TSPAN18: variants seen among roughly 807,000 people sequenced by gnomAD.
The protein encoded by TSPAN18 is tetraspanin 18.
In TSPAN18, 14 loss-of-function variants were observed where a neutral mutation model predicts 27.3. The observed-to-expected ratio is 0.51, with a 90% CI of 0.34 to 0.80. TSPAN18 has a LOEUF of 0.80. Ranked by LOEUF, TSPAN18 falls within the 30% of genes least tolerant of loss-of-function variation. The pLI is 0.01. For missense variants in TSPAN18, 268 were observed against 323.9 expected (o/e 0.83, Z 1.32); for synonymous variants, 143 against 136.5 (o/e 1.05, Z -0.33).
At chr11:44,744,079 A>G (rs1359916036) in intron 1 of TSPAN18, among the ~76,000 whole-genome samples, 2 of 152,244 alleles carry the variant, frequency 1.3e-5, no homozygotes, top group Non-Finnish European at 2.9e-5. Flanking sequence ...AGCAAAATGC[A>G]CTGTGAGTTT....
intron 3 of TSPAN18, among the ~76,000 whole-genome samples, chr11:44,868,813 C>A (rs1453766270): frequency 6.6e-6 from 1 of 152,210 alleles, no homozygotes; most frequent in Non-Finnish European, 1.5e-5. Context: ...TGAAATAGGC[C>A]GCTGGCTGGA....
At chr11:44,857,957 G>C (rs369219834) in intron 2 of TSPAN18, among the ~76,000 whole-genome samples, 10 of 152,122 alleles carry the variant, frequency 6.6e-5, no homozygotes, top group African/African-American at 2.4e-4. Flanking sequence ...ATTTTAAACA[G>C]TCTAGGTGGC....
chr11:44,788,295 C>T (rs900525685), intron 2 of TSPAN18, among the ~76,000 whole-genome samples: 1 of 152,132 alleles, frequency 6.6e-6, no homozygotes, highest in Admixed American at 6.5e-5. Context: ...ATGCTGTCTA[C>T]GTGCGCTGTC....
intron 1 of TSPAN18, among the ~76,000 whole-genome samples, chr11:44,731,629 T>TGAGA (rs1192833022): frequency 0.012 from 720 of 62,194 alleles, 15 homozygotes; most frequent in Admixed American, 0.065. Context: ...TGTGTGTGTG[T>TGAGA]GTGTGAGAGA....
rs140379151 is a variant in TSPAN18 at position 44,875,999 on chromosome 11, G to A, written c.-11+15530G>A. ...AGGTGGTGGGCCCTGTGGGAGCCAG[G>A]CCTCCAACCAACTGGTCAGGAAAAG... On this transcript the variant is annotated intron_variant, in intron 3 of 9. Transcript: ENST00000520358. Among the ~76,000 whole-genome samples the A allele has an allele frequency of 9.1e-3, 1,384 of 152,268 alleles. 25 individuals are homozygous for A. Among genetic ancestry groups the A allele is most frequent in the African/African-American group, 0.031 (1,300 of 41,546 alleles).
intron 2 of TSPAN18, among the ~76,000 whole-genome samples, chr11:44,774,580 T>C (rs1449950983): frequency 6.6e-6 from 1 of 152,204 alleles, no homozygotes; most frequent in Non-Finnish European, 1.5e-5. Context: ...CACCTTGCAA[T>C]TGGGGACCTC....
At chr11:44,890,621 G>A (rs1161750102) in intron 3 of TSPAN18, among the ~76,000 whole-genome samples, 5 of 152,026 alleles carry the variant, frequency 3.3e-5, no homozygotes. Flanking sequence ...TACTCGGGAG[G>A]CTGAGGCAGG....
intron 1 of TSPAN18, among the ~76,000 whole-genome samples, chr11:44,737,737 C>T (rs1311641272): frequency 6.6e-6 from 1 of 152,116 alleles, no homozygotes; most frequent in Non-Finnish European, 1.5e-5. Context: ...CCCCTCCCCA[C>T]GCAAGCCTCA....
intron 2 of TSPAN18, among the ~76,000 whole-genome samples, chr11:44,775,309 T>C (rs186198794): frequency 1.0e-3 from 153 of 152,368 alleles, no homozygotes; most frequent in African/African-American, 3.6e-3. Context: ...CTGTATTTTA[T>C]CTGGGAACCC....
At chr11:44,745,745 T>C (rs1855057201) in intron 1 of TSPAN18, among the ~76,000 whole-genome samples, 1 of 152,110 alleles carries the variant, frequency 6.6e-6, no homozygotes, top group Non-Finnish European at 1.5e-5. Context: ...ACAAAAAACA[T>C]GGCTGGGCGC....
chr11:44,851,387 G>T (rs912926555), intron 2 of TSPAN18, among the ~76,000 whole-genome samples: 1 of 152,164 alleles, frequency 6.6e-6, no homozygotes, highest in Non-Finnish European at 1.5e-5. Context: ...TTGTGGTCTG[G>T]CCTCTGGCTG....
chr11:44,916,715 A>T (rs938406630), intron 5 of TSPAN18, among the ~76,000 whole-genome samples: 7 of 152,128 alleles, frequency 4.6e-5, no homozygotes, highest in Non-Finnish European at 1.0e-4. Flanking sequence ...GCCTCCTTCC[A>T]GCCTGGCACA....
intron 2 of TSPAN18, among the ~76,000 whole-genome samples, chr11:44,820,679 G>T (rs186431983): frequency 6.6e-6 from 1 of 151,428 alleles, no homozygotes; most frequent in Non-Finnish European, 1.5e-5. Flanking sequence ...CCCCAATCTC[G>T]TGTTGAAATT....
In TSPAN18 at chr11:44,909,841, T is replaced by C; in HGVS notation, c.200T>C (p.Leu67Pro). 6.2e-7 allele frequency: 1 copy of C among 1,614,102 alleles called. No homozygotes were observed. The highest frequency in any genetic ancestry group is 8.5e-7 in the Non-Finnish European group (1 of 1,180,012). The change falls in exon 5 of 10, where the codon CTG (leucine) becomes CCG (proline). Residue 67 changes from leucine to proline, a missense_variant. Coordinates refer to ENST00000520358, the MANE Select transcript of TSPAN18 (RefSeq NM_130783.5). Reference protein sequence around the residue: ...ILLAMGGLLFLLGFLGCCGAV... With the variant: ...ILLAMGGLLFPLGFLGCCGAV... ...CTGGCCATGGGGGGCCTGCTCTTTC[T>C]GCTCGGCTTCCTGGGCTGCTGCGGG...
intron 2 of TSPAN18, among the ~76,000 whole-genome samples, chr11:44,825,582 G>A (rs4755898): frequency 0.18 from 27,149 of 152,080 alleles, 3,194 homozygotes; most frequent in Non-Finnish European, 0.26. Context: ...GCATCCCAGC[G>A]GGACCCCTCC....
upstream of TSPAN18, chr11:44,726,918 GAC>G (rs1854524117): frequency 7.8e-6 from 1 of 129,008 alleles, no homozygotes; most frequent in Non-Finnish European, 1.7e-5. Context: ...GGAGGGGAGG[GAC>G]GGACGGCGGC....
At chr11:44,864,353 G>A (rs2135222437) in intron 3 of TSPAN18, among the ~76,000 whole-genome samples, 1 of 150,954 alleles carries the variant, frequency 6.6e-6, no homozygotes, top group African/African-American at 2.4e-5. Flanking sequence ...TCCGAAAAGT[G>A]TTGGGGTTGG....
chr11:44,783,026 A>G (rs189345922), intron 2 of TSPAN18, among the ~76,000 whole-genome samples: 4 of 152,092 alleles, frequency 2.6e-5, no homozygotes, highest in Non-Finnish European at 4.4e-5. Flanking sequence ...ATGGCGTTTT[A>G]CCATGTTGGC....
chr11:44,896,520 TG>T (rs927178239), intron 3 of TSPAN18, among the ~76,000 whole-genome samples: 1 of 152,100 alleles, frequency 6.6e-6, no homozygotes, highest in Non-Finnish European at 1.5e-5. Context: ...GGCAGGCAGT[TG>T]AAGGGCCTGT....
Sources: allele counts gnomAD v4.1 joint callset (sites outside exome capture counted in the v4.1 genomes callset), GRCh38; gene constraint gnomAD v4.1.1; transcripts MANE v1.5; gene names NCBI Gene and HGNC (gene_info 2026-07-23, HGNC 2026-07-21).